Variants in HTATSF1 observed in about 807,000 individuals in gnomAD.
HTATSF1 encodes the protein HIV-1 Tat specific factor 1, also known as 17S U2 SnRNP complex component HTATSF1.
In HTATSF1, 6 loss-of-function variants were observed where a neutral mutation model predicts 46.1. The ratio of observed to expected loss-of-function variants is 0.13; its 90% CI spans 0.07 to 0.26. The LOEUF is 0.26. HTATSF1 is among the 10% of genes least tolerant of loss of function. The probability of loss-of-function intolerance (pLI) is 1.00; values close to 1 mark genes in which losing one functional copy is unlikely to be tolerated. For synonymous variants in HTATSF1, 226 were observed against 211.5 expected, an observed-to-expected ratio of 1.07 and a Z score of -0.60; for missense variants, 452 against 559.9, an observed-to-expected ratio of 0.81 and a Z score of 1.94.
At chrX:136,504,217 G>T in intron 5 of HTATSF1, 147 bp from the exon 6 acceptor site, 1 of 422,456 alleles carries the variant, frequency 2.4e-6, no homozygotes, top group South Asian at 4.3e-5. Context: ...CTGGAACTAT[G>T]ACTGAAATAC....
upstream of HTATSF1, chrX:136,497,570 C>CG (rs1288679519): frequency 5.4e-5 from 31 of 576,838 alleles, no homozygotes; most frequent in South Asian, 2.9e-4. Flanking sequence ...GGAGGCGGGC[C>CG]GGGGGGCGGC....
chrX:136,511,107 C>G lies in HTATSF1; in HGVS notation c.1362C>G (p.Pro454=), dbSNP rs150195835. Reference sequence around the variant, plus strand: ...AAAACAATGCTAAGGAAAGTAGCCCCGAAAAAGAGGCTGAAGAAGGCTGCC... The same window carrying G: ...AAAACAATGCTAAGGAAAGTAGCCCGGAAAAAGAGGCTGAAGAAGGCTGCC... The part of the protein sequence containing the change: ...ASENNAKESS[P]EKEAEEGCPE... Residue 454 remains proline (P), a synonymous_variant, in exon 9 of 9, where the codon CCC becomes CCG. Coordinates refer to ENST00000218364, the MANE Select transcript of HTATSF1 (RefSeq NM_014500.5). The G allele has an allele frequency of 8.3e-7, 1 of 1,210,245 alleles. No individual in the cohort carries two copies. The highest frequency in any genetic ancestry group is 1.1e-6 in the Non-Finnish European group (1 of 895,132).
At chrX:136,507,089 G>GT (rs1329230379) in intron 6 of HTATSF1, among the ~76,000 whole-genome samples, 1 of 111,690 alleles carries the variant, frequency 9.0e-6, no homozygotes, top group African/African-American at 3.3e-5. Context: ...TTTATTGCAT[G>GT]TTTTGGGGGA....
At chrX:136,504,601 C>G in intron 6 of HTATSF1, 138 bp downstream of exon 6, 1 of 440,209 alleles carries the variant, frequency 2.3e-6, no homozygotes. Context: ...AAGATGGAGC[C>G]AAGAAGCTAC....
chrX:136,507,909 A>G (rs2075750007), intron 6 of HTATSF1, among the ~76,000 whole-genome samples: 1 of 111,855 alleles, frequency 8.9e-6, no homozygotes, highest in Non-Finnish European at 1.9e-5. Context: ...GTCAAAAGCC[A>G]TAACTTTTAT....
At chrX:136,507,327 C>T (rs1056335773) in intron 6 of HTATSF1, among the ~76,000 whole-genome samples, 1 of 111,873 alleles carries the variant, frequency 8.9e-6, no homozygotes, top group Admixed American at 9.5e-5. Flanking sequence ...AGAGGGTCTT[C>T]AGTATTTAAT....
chrX:136,509,794 A>G (rs1363967999), intron 7 of HTATSF1, among the ~76,000 whole-genome samples: 1 of 112,288 alleles, frequency 8.9e-6, no homozygotes, highest in Non-Finnish European at 1.9e-5. Flanking sequence ...ATATGACTTC[A>G]GAGTTTACAC....
chrX:136,505,911 T>A (rs1215472944), intron 6 of HTATSF1, among the ~76,000 whole-genome samples: 3 of 112,424 alleles, frequency 2.7e-5, no homozygotes, highest in African/African-American at 9.7e-5. Context: ...TTTCCTATTA[T>A]TTATTACATT....
In HTATSF1 at chrX:136,511,214, C is replaced by T; in HGVS notation, c.1469C>T (p.Pro490Leu). The T allele has an allele frequency of 8.3e-7, 1 of 1,207,861 alleles. No individual in the cohort carries two copies. Among genetic ancestry groups the T allele is most frequent in the African/African-American group, 1.7e-5 (1 of 57,238 alleles). ...CSQKESEEGN[P>L]VRGSEEDSPK... ...CAAAAAGAGTCTGAAGAAGGCAATCCCGTAAGAGGATCTGAAGAGGATAGT... is the reference window on the plus strand; with the variant it reads ...CAAAAAGAGTCTGAAGAAGGCAATCTCGTAAGAGGATCTGAAGAGGATAGT... Residue 490 changes from proline to leucine, a missense_variant, in exon 9 of 9, where the codon CCC becomes CTC. By Grantham distance (98) the Pro-to-Leu change is moderately conservative. Coordinates refer to ENST00000218364, the MANE Select transcript of HTATSF1 (RefSeq NM_014500.5).
In HTATSF1 at chrX:136,512,227, G is replaced by A; in HGVS notation, c.*214G>A. ...GTCATAGTTACAATGCAAGTAAACT[G>A]GATACTTGTTCTTTTGTCAGATTTG... On this transcript the variant is annotated 3_prime_UTR_variant, in exon 9 of 9. Coordinates refer to ENST00000218364, the MANE Select transcript of HTATSF1 (RefSeq NM_014500.5). 1 of 311,431 alleles carries A rather than the reference G, an allele frequency of 3.2e-6. No homozygotes were observed. The highest frequency in any genetic ancestry group is 5.6e-5 in the Admixed American group (1 of 17,730). 25.7% of individuals were successfully genotyped at this position (311,431 alleles called of 1,213,427 possible). A position where few individuals can be genotyped will look rare whatever the true frequency, so the allele number is the denominator to read the frequency against.
At position 136,511,669 on chromosome X, in the gene HTATSF1, T is replaced by A; in HGVS notation, c.1924T>A (p.Ser642Thr). 8.3e-7 allele frequency: 1 copy of A among 1,209,806 alleles called. No individual in the cohort carries two copies. The highest frequency in any genetic ancestry group is 1.1e-6 in the Non-Finnish European group (1 of 894,646). The change falls in exon 9 of 9, where the codon TCT (serine) becomes ACT (threonine). Residue 642 changes from serine (S) to threonine (T), a missense_variant. By Grantham distance (58) the Ser-to-Thr change is moderately conservative. Around this residue, in one of 3 missense-constraint regions of HTATSF1, gnomAD observed 246 missense variants for 245.3 expected, o/e 1.00. Coordinates refer to ENST00000218364, the MANE Select transcript of HTATSF1 (RefSeq NM_014500.5). ...DTYEKVFDDE[S>T]DEKEDEEYAD... ...ATATGAAAAAGTATTTGATGATGAGTCTGATGAGAAAGAGGATGAAGAATA... is the reference window on the plus strand; with the variant it reads ...ATATGAAAAAGTATTTGATGATGAGACTGATGAGAAAGAGGATGAAGAATA...
chrX:136,505,822 A>T (rs1475136338), intron 6 of HTATSF1, among the ~76,000 whole-genome samples: 2 of 111,875 alleles, frequency 1.8e-5, no homozygotes, highest in African/African-American at 6.5e-5. Flanking sequence ...AAAGAACCAG[A>T]TCATAGTCAT....
rs1156538917 is a variant in HTATSF1 at position 136,497,775 on chromosome X, C to G, written c.91C>G (p.Gln31Glu). 8.3e-7 allele frequency: 1 copy of G among 1,204,193 alleles called. No individual in the cohort carries two copies. The highest frequency in any genetic ancestry group is 1.1e-6 in the Non-Finnish European group (1 of 889,881). ...LYGDGKDGDT[Q>E]TDAGGEPDSL... Reference sequence around the variant, plus strand: ...CGGAGACGGCAAGGATGGTGACACCCAGACCGATGCCGGCGGAGAACCCGA... The same window carrying G: ...CGGAGACGGCAAGGATGGTGACACCGAGACCGATGCCGGCGGAGAACCCGA... The change falls in exon 1 of 9, where the codon CAG becomes GAG. Residue 31 changes from glutamine (Q) to glutamate (E), a missense_variant. Coordinates refer to ENST00000218364, the MANE Select transcript of HTATSF1 (RefSeq NM_014500.5).
chrX:136,500,049 A>G (rs1603305980), intron 2 of HTATSF1, 109 bp from the exon 3 acceptor site: 1 of 561,191 alleles, frequency 1.8e-6, no homozygotes, highest in East Asian at 3.4e-5. Flanking sequence ...GAGTAACAGA[A>G]AGGTCGTCCT....
intron 5 of HTATSF1, 69 bp downstream of exon 5, chrX:136,503,010 A>G (rs2075726379): frequency 6.9e-6 from 5 of 722,583 alleles, no homozygotes; most frequent in Middle Eastern, 5.1e-4. Flanking sequence ...ATAGCCATCT[A>G]GTTTTATTCT....
chrX:136,497,980 C>T (rs1453018708), intron 1 of HTATSF1, 110 bp downstream of exon 1: 1 of 498,327 alleles, frequency 2.0e-6, no homozygotes, highest in Non-Finnish European at 3.1e-6. Flanking sequence ...TCCTAGCCCC[C>T]TTGAATAGCG....
intron 1 of HTATSF1, 43 bp from the exon 2 acceptor site, chrX:136,499,555 A>C: frequency 9.8e-7 from 1 of 1,020,287 alleles, no homozygotes; most frequent in Non-Finnish European, 1.3e-6. Context: ...AGTGGAAATA[A>C]TTTTGAATTT....
At chrX:136,500,281 T>C in intron 3 of HTATSF1, 76 bp downstream of exon 3, 1 of 678,474 alleles carries the variant, frequency 1.5e-6, no homozygotes, top group Middle Eastern at 3.5e-4. Flanking sequence ...GATTTTTAGC[T>C]TTCAGTTTCT....
intron 8 of HTATSF1, 29 bp downstream of exon 8, chrX:136,510,248 C>CA (rs1426140409): frequency 5.1e-6 from 6 of 1,187,429 alleles, no homozygotes; most frequent in Admixed American, 4.5e-5. Flanking sequence ...CAAGGGCACA[C>CA]ACATTGTTTC....
Sources: gnomAD v4.1 joint callset for allele counts (sites outside exome capture counted in the v4.1 genomes callset) on GRCh38, gnomAD v4.1.1 for gene constraint, gnomAD v4.1.1 regional missense constraint, MANE v1.5 for transcripts, NCBI Gene and HGNC (gene_info 2026-07-23, HGNC 2026-07-21) for gene names.